Variants in ZNF536 observed in about 807,000 individuals in gnomAD.
ZNF536 encodes the protein zinc finger protein 536.
A neutral mutation model predicts 84.5 loss-of-function variants in ZNF536; 13 were observed. The observed-to-expected ratio is 0.15, with a 90% CI of 0.10 to 0.24. The LOEUF is 0.24. Ranked by LOEUF, ZNF536 falls within the 10% of genes least tolerant of loss-of-function variation. The probability of loss-of-function intolerance (pLI) is 1.00; values close to 1 mark genes in which losing one functional copy is unlikely to be tolerated. For synonymous variants in ZNF536, 811 were observed against 742.5 expected, an observed-to-expected ratio of 1.09 and a Z score of -1.50; for missense variants, 1,536 against 1,747.5, an observed-to-expected ratio of 0.88 and a Z score of 2.16.
chr19:30,468,170 C>G (rs746417085), intron 2 of ZNF536, among the ~76,000 whole-genome samples: 4 of 152,234 alleles, frequency 2.6e-5, no homozygotes, highest in South Asian at 2.1e-4. Flanking sequence ...GAAGTTCAGA[C>G]CTCCCCTTCA....
chr19:30,598,973 T>TTCCC lies in ZNF536; in HGVS notation c.169+49469_169+49472dup, dbSNP rs1208275064. 2.3e-4 allele frequency among the ~76,000 whole-genome samples: 15 copies of TTCCC among 66,074 alleles called. 1 individual carries two copies. Among genetic ancestry groups the TTCCC allele is most frequent in the East Asian group, 8.1e-4 (2 of 2,468 alleles). The allele number at this position is 66,074 out of a possible 152,430, so 43.3% of individuals were successfully genotyped here. On this transcript the variant is annotated intron_variant, in intron 1 of 1. Transcript: ENST00000592773. ...TCTTCCTTCCTTCCTCCTTCCCTCC[T>TTCCC]TCCCTCCCTCCCTTCCTTCCTCCCT...
At chr19:30,508,124 A>G (rs1023708749) in intron 2 of ZNF536, among the ~76,000 whole-genome samples, 24 of 152,160 alleles carry the variant, frequency 1.6e-4, no homozygotes, top group African/African-American at 5.8e-4. Flanking sequence ...TTGCTCAGCA[A>G]AGGGGATGGG....
At chr19:30,404,413 A>G (rs1475707269) in intron 1 of ZNF536, among the ~76,000 whole-genome samples, 3 of 152,206 alleles carry the variant, frequency 2.0e-5, no homozygotes, top group African/African-American at 7.2e-5. Flanking sequence ...AGTGAGGCGC[A>G]TGGCATGTGG....
At chr19:30,289,800 TG>T (rs1367215225) in intron 2 of ZNF536, among the ~76,000 whole-genome samples, 1 of 152,210 alleles carries the variant, frequency 6.6e-6, no homozygotes, top group African/African-American at 2.4e-5. Context: ...CTACAGCCTG[TG>T]AGTCACATCC....
At chr19:30,629,191 T>A (rs999392482) in intron 1 of ZNF536, among the ~76,000 whole-genome samples, 2 of 151,984 alleles carry the variant, frequency 1.3e-5, no homozygotes, top group Non-Finnish European at 2.9e-5. Flanking sequence ...GACAATTGCC[T>A]TTTATTTATT....
chr19:30,504,665 T>C (rs540891062), intron 2 of ZNF536, among the ~76,000 whole-genome samples: 8 of 147,124 alleles, frequency 5.4e-5, no homozygotes, highest in African/African-American at 2.0e-4. Flanking sequence ...TCCTGCCCTG[T>C]CTCCCTTCTT....
At chr19:30,460,799 AAG>A (rs2053098539) in intron 2 of ZNF536, among the ~76,000 whole-genome samples, 1 of 152,064 alleles carries the variant, frequency 6.6e-6, no homozygotes, top group Non-Finnish European at 1.5e-5. Context: ...CCACACATAA[AAG>A]AGAGTTGGGA....
At chr19:30,313,009 G>A (rs1038057004) in intron 2 of ZNF536, among the ~76,000 whole-genome samples, 6 of 152,242 alleles carry the variant, frequency 3.9e-5, no homozygotes, top group Admixed American at 2.0e-4. Context: ...TCCTATCAAA[G>A]TGAAAGGCCA....
At chr19:30,362,756 G>A (rs1424281245) in intron 3 of ZNF536, among the ~76,000 whole-genome samples, 1 of 152,052 alleles carries the variant, frequency 6.6e-6, no homozygotes, top group Non-Finnish European at 1.5e-5. Context: ...ATTGGTTCTT[G>A]GTTCTTGTTT....
At chr19:30,348,811 TTTC>T (rs1219175617) in intron 2 of ZNF536, among the ~76,000 whole-genome samples, 387 of 133,610 alleles carry the variant, frequency 2.9e-3, no homozygotes, top group African/African-American at 0.01. Context: ...TTTTTTTTCT[TTTC>T]TTTTTTTTTT....
At chr19:30,302,963 C>T (rs918555556) in intron 2 of ZNF536, among the ~76,000 whole-genome samples, 2 of 152,172 alleles carry the variant, frequency 1.3e-5, no homozygotes, top group Non-Finnish European at 2.9e-5. Flanking sequence ...GTGGCAGGGA[C>T]ATTTTTCTTG....
At chr19:30,546,731 A>T (rs905633640) in intron 3 of ZNF536, among the ~76,000 whole-genome samples, 2 of 152,242 alleles carry the variant, frequency 1.3e-5, no homozygotes, top group African/African-American at 2.4e-5. Context: ...GGTTCCTGGA[A>T]GAAATAATTG....
intron 2 of ZNF536, among the ~76,000 whole-genome samples, chr19:30,286,532 G>A (rs1042088013): frequency 1.5e-5 from 2 of 129,302 alleles, no homozygotes; most frequent in South Asian, 2.7e-4. Flanking sequence ...GACAGAGACA[G>A]AGAGAGAGAG....
chr19:30,451,395 C>T (rs2052601601), intron 2 of ZNF536, among the ~76,000 whole-genome samples: 1 of 152,234 alleles, frequency 6.6e-6, no homozygotes, highest in Non-Finnish European at 1.5e-5. Flanking sequence ...CTTGTATCAT[C>T]TCGTGCTTAG....
chr19:30,273,570 T>C (rs2025968869), intron 1 of ZNF536, among the ~76,000 whole-genome samples: 1 of 152,244 alleles, frequency 6.6e-6, no homozygotes, highest in Non-Finnish European at 1.5e-5. Context: ...CTTTTGCCCA[T>C]TTTTAAATTG....
intron 1 of ZNF536, among the ~76,000 whole-genome samples, chr19:30,258,286 A>G (rs1465983373): frequency 1.3e-5 from 2 of 152,228 alleles, no homozygotes; most frequent in Non-Finnish European, 2.9e-5. Flanking sequence ...AGGGACACTA[A>G]AGCTGAAACT....
intron 2 of ZNF536, among the ~76,000 whole-genome samples, chr19:30,525,225 TCCCTGG>T (rs2044524734): frequency 6.6e-6 from 1 of 152,116 alleles, no homozygotes; most frequent in Non-Finnish European, 1.5e-5. Flanking sequence ...CCAGGAAGCC[TCCCTGG>T]ACATCCCCAG....
intron 1 of ZNF536, among the ~76,000 whole-genome samples, chr19:30,439,959 C>CTTTTTTTTTTTTTTTTTTTTTTT (rs199638233): frequency 1.1e-4 from 11 of 96,394 alleles, no homozygotes; most frequent in Non-Finnish European, 1.8e-4. Context: ...TTCTTTCTTT[C>CTTTTTTTTTTTTTTTTTTTTTTT]TTTTTTTTTT....
intron 1 of ZNF536, among the ~76,000 whole-genome samples, chr19:30,244,648 C>T (rs781125009): frequency 3.3e-5 from 5 of 152,224 alleles, no homozygotes; most frequent in Admixed American, 2.6e-4. Flanking sequence ...GGCTTCCAGA[C>T]CACTGCATTG....
Sources: allele counts gnomAD v4.1 joint callset (sites outside exome capture counted in the v4.1 genomes callset), GRCh38; gene constraint gnomAD v4.1.1; transcripts MANE v1.5; gene names NCBI Gene and HGNC (gene_info 2026-07-23, HGNC 2026-07-21).